ASTN2: variants seen among roughly 807,000 people sequenced by gnomAD.
ASTN2 encodes astrotactin 2.
In ASTN2, 54 loss-of-function variants were observed where a neutral mutation model predicts 139.8. The observed-to-expected ratio is 0.39, with a 90% confidence interval of 0.31 to 0.48. The LOEUF (loss-of-function observed/expected upper bound fraction) is 0.48. Ranked by LOEUF, ASTN2 falls within the 20% of genes least tolerant of loss-of-function variation. The pLI is 0.95. For synonymous variants in ASTN2, 756 were observed against 719.5 expected, an observed-to-expected ratio of 1.05 and a Z score of -0.81; for missense variants, 1,565 against 1,725.1, an observed-to-expected ratio of 0.91 and a Z score of 1.64.
At chr9:116,935,827 C>T (rs531358046) in intron 10 of ASTN2, among the ~76,000 whole-genome samples, 1 of 152,232 alleles carries the variant, frequency 6.6e-6, no homozygotes, top group South Asian at 2.1e-4. Flanking sequence ...TTATGTTTAC[C>T]ATGTTTCAGG....
chr9:116,976,151 G>A lies in ASTN2; in HGVS notation c.1714C>T (p.Leu572=), dbSNP rs1836335756. The change falls in exon 9 of 23, where the codon CTG becomes TTG. Residue 572 remains leucine, a synonymous_variant. Coordinates refer to ENST00000313400, the MANE Select transcript of ASTN2 (RefSeq NM_001365068.1). The stretch of plus-strand genomic sequence containing the variant: ...TCAGGGGCTTGCTCCCCTGTCACCA[G>A]ATCATAGCCCCTCTCAAGTGTCGTG... ...PYTTLERGYD[L]VTGEQAPEKI... 2.5e-6 allele frequency: 4 copies of A among 1,614,168 alleles called. No homozygotes were observed. The East Asian group carries it at 8.9e-5, about 36-fold the overall frequency.
At chr9:116,714,365 A>G (rs1564227831) in intron 16 of ASTN2, among the ~76,000 whole-genome samples, 1 of 152,210 alleles carries the variant, frequency 6.6e-6, no homozygotes, top group East Asian at 1.9e-4. Context: ...CAGGACCAGA[A>G]AAGGCTGTAT....
At chr9:117,190,963 T>A (rs1335952863) in intron 3 of ASTN2, among the ~76,000 whole-genome samples, 1 of 152,208 alleles carries the variant, frequency 6.6e-6, no homozygotes, top group East Asian at 1.9e-4. Context: ...GTGCCTTAAA[T>A]AGTTCCTGAC....
Position 117,336,710 on chromosome 9 carries a change from C to T in ASTN2, c.443-45197G>A, listed in dbSNP as rs145798038. Among the ~76,000 whole-genome samples the T allele has an allele frequency of 4.9e-3, 745 of 152,242 alleles. 9 individuals are homozygous for T. Among genetic ancestry groups the T allele is most frequent in the African/African-American group, 0.017 (701 of 41,546 alleles). On this transcript the variant is annotated intron_variant, in intron 1 of 22. Coordinates refer to ENST00000313400, the MANE Select transcript of ASTN2 (RefSeq NM_001365068.1). ...CCTAAAATGTTTGATTCTCTAGCCT[C>T]CAGTCAAATGGGTTCTGGTTTAAAG...
intron 19 of ASTN2, chr9:116,585,640 T>C (rs1158904136): frequency 6.6e-6 from 1 of 152,170 alleles, no homozygotes; most frequent in African/African-American, 2.4e-5. Context: ...ACTGGGCCCT[T>C]ACCTTTCACC....
intron 6 of ASTN2, among the ~76,000 whole-genome samples, chr9:117,013,757 C>T (rs1837598807): frequency 6.6e-6 from 1 of 152,046 alleles, no homozygotes; most frequent in Admixed American, 6.6e-5. Flanking sequence ...ACATCAGCCA[C>T]CAAAGAAACA....
At chr9:116,870,679 G>A (rs1027908138) in intron 10 of ASTN2, among the ~76,000 whole-genome samples, 17 of 152,114 alleles carry the variant, frequency 1.1e-4, no homozygotes, top group Non-Finnish European at 1.5e-4. Context: ...TTACCTGACC[G>A]GTAAAGTACA....
intron 5 of ASTN2, among the ~76,000 whole-genome samples, chr9:117,043,907 C>CAAAAA (rs10713427): frequency 1.0e-4 from 12 of 119,278 alleles, no homozygotes; most frequent in South Asian, 2.9e-4. Flanking sequence ...GACTCTGTCT[C>CAAAAA]AAAAAAAAAA....
chr9:117,208,848 T>C (rs1832024504), intron 3 of ASTN2, among the ~76,000 whole-genome samples: 1 of 152,166 alleles, frequency 6.6e-6, no homozygotes, highest in Admixed American at 6.5e-5. Flanking sequence ...GAAATAACTG[T>C]CAGTCAGGAA....
chr9:116,442,000 G>A (rs1222812872), intron 21 of ASTN2, among the ~76,000 whole-genome samples: 1 of 152,214 alleles, frequency 6.6e-6, no homozygotes, highest in East Asian at 1.9e-4. Context: ...GGGACTGGAT[G>A]GAACAGCATG....
At chr9:116,880,209 A>T in intron 10 of ASTN2, among the ~76,000 whole-genome samples, 1 of 152,372 alleles carries the variant, frequency 6.6e-6, no homozygotes, top group Admixed American at 6.5e-5. Flanking sequence ...TGTTTGTAAT[A>T]GAAAGAAATG....
intron 19 of ASTN2, chr9:116,543,971 C>T (rs1851985761): frequency 6.6e-6 from 1 of 152,192 alleles, no homozygotes; most frequent in East Asian, 1.9e-4. Context: ...TGACTAAACC[C>T]TTCACTGTCT....
intron 5 of ASTN2, among the ~76,000 whole-genome samples, chr9:117,060,022 C>T (rs962202055): frequency 2.0e-5 from 3 of 151,924 alleles, no homozygotes; most frequent in Admixed American, 6.6e-5. Context: ...TGAAATTAGA[C>T]GTGATAGGTC....
At chr9:117,009,450 C>T (rs1198568714) in intron 6 of ASTN2, among the ~76,000 whole-genome samples, 2 of 152,042 alleles carry the variant, frequency 1.3e-5, no homozygotes, top group Non-Finnish European at 2.9e-5. Flanking sequence ...TTCAGGATGG[C>T]TGCATGTAAG....
chr9:117,400,754 T>C (rs1414132084), intron 1 of ASTN2, among the ~76,000 whole-genome samples: 1 of 152,070 alleles, frequency 6.6e-6, no homozygotes, highest in African/African-American at 2.4e-5. Flanking sequence ...CTTCTCTCCC[T>C]CCTGGGCTCC....
chr9:116,662,303 TG>T (rs1858607727), intron 16 of ASTN2, among the ~76,000 whole-genome samples: 1 of 152,174 alleles, frequency 6.6e-6, no homozygotes, highest in African/African-American at 2.4e-5. Flanking sequence ...CTGGGTGCAG[TG>T]GCTCATGCCT....
chr9:116,783,845 C>T (rs746563674), intron 13 of ASTN2, among the ~76,000 whole-genome samples: 1 of 152,074 alleles, frequency 6.6e-6, no homozygotes, highest in African/African-American at 2.4e-5. Context: ...TGCTCTTTAT[C>T]GATGGACATA....
intron 10 of ASTN2, among the ~76,000 whole-genome samples, chr9:116,973,099 G>T (rs952966910): frequency 6.6e-6 from 1 of 152,184 alleles, no homozygotes; most frequent in Non-Finnish European, 1.5e-5. Context: ...AAATGGTGAT[G>T]ATTGCAATCT....
intron 7 of ASTN2, among the ~76,000 whole-genome samples, chr9:116,983,621 G>A (rs180779704): frequency 1.9e-4 from 29 of 152,198 alleles, no homozygotes; most frequent in South Asian, 2.1e-4. Context: ...TTATGCATTC[G>A]CTTCTTTGCA....
Sources: gnomAD v4.1 joint callset for allele counts (sites outside exome capture counted in the v4.1 genomes callset) on GRCh38, gnomAD v4.1.1 for gene constraint, MANE v1.5 for transcripts, NCBI Gene and HGNC (gene_info 2026-07-23, HGNC 2026-07-21) for gene names.